The following SPAG16 variants were observed in gnomAD, a reference collection of about 807,000 sequenced individuals.
SPAG16 encodes sperm-associated antigen 16 protein.
SPAG16 carries 86 observed loss-of-function variants against 80.4 expected under a neutral mutation model. The ratio of observed to expected loss-of-function variants is 1.07; its 90% CI spans 0.90 to 1.28. The LOEUF (loss-of-function observed/expected upper bound fraction) is 1.28, where lower values mean the gene tolerates loss of function less well. Ranked by LOEUF, SPAG16 falls within the 50% of genes most tolerant of loss-of-function variation. SPAG16 has a pLI of 0.00. For missense variants in SPAG16, 870 were observed against 765.3 expected (o/e 1.14, Z -1.61); for synonymous variants, 294 against 265.9 (o/e 1.11, Z -1.03).
chr2:214,283,066 A>T (rs1297066375), intron 15 of SPAG16, among the ~76,000 whole-genome samples: 1 of 152,132 alleles, frequency 6.6e-6, no homozygotes, highest in African/African-American at 2.4e-5. Flanking sequence ...TTATATATGT[A>T]AGAAAAGATG....
Position 214,006,139 on chromosome 2 carries a change from A to G in SPAG16, c.1401-7812A>G, listed in dbSNP as rs1246371586. Among the ~76,000 whole-genome samples the G allele has an allele frequency of 2.0e-5, 3 of 152,138 alleles. No homozygotes were observed. In the South Asian group the frequency reaches 6.2e-4, roughly 31 times the overall value. ...TTTAATCTTTTTTTCATGTTCACTTAAAAAATATCTTGCTACTGTCTTTAT... is the reference window on the plus strand; with the variant it reads ...TTTAATCTTTTTTTCATGTTCACTTGAAAAATATCTTGCTACTGTCTTTAT... On this transcript the variant is annotated intron_variant, in intron 12 of 15. Transcript: ENST00000331683.
At chr2:213,580,417 C>T (rs2060262922) in intron 10 of SPAG16, among the ~76,000 whole-genome samples, 1 of 151,980 alleles carries the variant, frequency 6.6e-6, no homozygotes, top group African/African-American at 2.4e-5. Flanking sequence ...TTATAGGTGC[C>T]TCAACCATGA....
At chr2:214,235,826 T>C (rs1689035569) in intron 15 of SPAG16, among the ~76,000 whole-genome samples, 1 of 152,244 alleles carries the variant, frequency 6.6e-6, no homozygotes, top group South Asian at 2.1e-4. Flanking sequence ...TTGTTGTCTT[T>C]ATGTATTATA....
At chr2:213,606,087 G>A (rs1382768631) in intron 10 of SPAG16, among the ~76,000 whole-genome samples, 2 of 152,086 alleles carry the variant, frequency 1.3e-5, no homozygotes, top group Non-Finnish European at 2.9e-5. Context: ...TATGGTGTCT[G>A]GTTTCTTCCA....
intron 13 of SPAG16, among the ~76,000 whole-genome samples, chr2:214,039,680 A>C (rs2048902767): frequency 6.6e-6 from 1 of 152,220 alleles, no homozygotes; most frequent in Non-Finnish European, 1.5e-5. Context: ...TGACCACTTA[A>C]CTGGCTATAA....
At chr2:213,360,618 C>T (rs911740136) in intron 7 of SPAG16, among the ~76,000 whole-genome samples, 2 of 152,180 alleles carry the variant, frequency 1.3e-5, no homozygotes, top group Admixed American at 6.5e-5. Context: ...GCCAACCAAT[C>T]CTTTCTTTCT....
intron 9 of SPAG16, among the ~76,000 whole-genome samples, chr2:213,445,475 A>T (rs2071243631): frequency 1.3e-5 from 2 of 152,174 alleles, no homozygotes; most frequent in South Asian, 4.1e-4. Flanking sequence ...CAGCCTGGCC[A>T]ACATGGTGAA....
intron 15 of SPAG16, among the ~76,000 whole-genome samples, chr2:214,318,630 C>T (rs1695865836): frequency 6.6e-6 from 1 of 152,062 alleles, no homozygotes; most frequent in African/African-American, 2.4e-5. Flanking sequence ...CCCACCTTGA[C>T]CTCCCAAAGT....
chr2:214,044,629 A>G (rs1216142705), intron 13 of SPAG16, among the ~76,000 whole-genome samples: 1 of 152,228 alleles, frequency 6.6e-6, no homozygotes, highest in Non-Finnish European at 1.5e-5. Context: ...AGAGGCACTG[A>G]AAAGGATAGA....
chr2:214,178,488 A>T (rs1395821980), intron 15 of SPAG16, among the ~76,000 whole-genome samples: 1 of 151,282 alleles, frequency 6.6e-6, no homozygotes, highest in Non-Finnish European at 1.5e-5. Context: ...TTTTACTCCA[A>T]AGCTAGAACT....
intron 12 of SPAG16, among the ~76,000 whole-genome samples, chr2:213,970,955 T>C (rs1374286694): frequency 2.6e-5 from 4 of 152,212 alleles, no homozygotes; most frequent in Non-Finnish European, 5.9e-5. Context: ...TATACTTGTT[T>C]TGATACCAAA....
At position 214,125,999 on chromosome 2, in the gene SPAG16, TTTCCTTCCTTCCTTCCTTCC is replaced by T. The variant is rs869163622; in HGVS notation, c.1593+17781_1593+17800del. Among the ~76,000 whole-genome samples the T allele has an allele frequency of 4.1e-3, 374 of 91,668 alleles. 35 individuals are homozygous for T. The highest frequency in any genetic ancestry group is 6.3e-3 in the South Asian group (16 of 2,520). The allele number at this position is 91,668 out of a possible 152,430, so 60.1% of individuals were successfully genotyped here. A position where few individuals can be genotyped will look rare whatever the true frequency, so the allele number is the denominator to read the frequency against. On this transcript the variant is annotated intron_variant, in intron 14 of 15. Coordinates refer to ENST00000331683, the MANE Select transcript of SPAG16 (RefSeq NM_024532.5). ...GGCCTGACTTTCTTTTCCTTCCTTC[TTTCCTTCCTTCCTTCCTTCC>T]TTCCTTCCTTCCTTCCTTCCTTCCT...
intron 9 of SPAG16, among the ~76,000 whole-genome samples, chr2:213,410,170 C>T (rs1041311682): frequency 2.0e-5 from 3 of 152,148 alleles, no homozygotes; most frequent in East Asian, 1.9e-4. Context: ...AAAACCCTAC[C>T]GAACTAAAGC....
chr2:214,080,398 AC>A, intron 13 of SPAG16, among the ~76,000 whole-genome samples: 1 of 151,528 alleles, frequency 6.6e-6, no homozygotes, highest in East Asian at 1.9e-4. Context: ...GGAGATCAAG[AC>A]CATCCTGGCT....
intron 13 of SPAG16, among the ~76,000 whole-genome samples, chr2:214,075,291 A>T (rs1347738120): frequency 2.0e-5 from 3 of 152,048 alleles, no homozygotes; most frequent in Non-Finnish European, 4.4e-5. Context: ...AAATCCTCAC[A>T]TACCCAAAAG....
At chr2:213,485,918 G>A (rs1316002790) in intron 9 of SPAG16, among the ~76,000 whole-genome samples, 1 of 152,010 alleles carries the variant, frequency 6.6e-6, no homozygotes, top group African/African-American at 2.4e-5. Context: ...TATTACTCAA[G>A]TTAAGAAAGA....
chr2:213,492,050 T>C (rs991488021), intron 10 of SPAG16, among the ~76,000 whole-genome samples: 1 of 152,176 alleles, frequency 6.6e-6, no homozygotes, highest in Non-Finnish European at 1.5e-5. Context: ...TTCCAATTGG[T>C]CTCATTTTCT....
chr2:213,483,129 A>T (rs2073830823), intron 9 of SPAG16, among the ~76,000 whole-genome samples: 1 of 152,154 alleles, frequency 6.6e-6, no homozygotes, highest in Non-Finnish European at 1.5e-5. Context: ...GAATATTATT[A>T]TTAATAACTA....
At chr2:213,423,910 A>G (rs535258618) in intron 9 of SPAG16, among the ~76,000 whole-genome samples, 1 of 152,274 alleles carries the variant, frequency 6.6e-6, no homozygotes, top group Admixed American at 6.5e-5. Context: ...CTGGGTGAAA[A>G]CTAGTATTAT....
Sources: gnomAD v4.1 joint callset for allele counts (sites outside exome capture counted in the v4.1 genomes callset) on GRCh38, gnomAD v4.1.1 for gene constraint, MANE v1.5 for transcripts, NCBI Gene and HGNC (gene_info 2026-07-23, HGNC 2026-07-21) for gene names.